DGCR2: variants seen among roughly 807,000 people sequenced by gnomAD.
DGCR2 encodes integral membrane protein DGCR2/IDD.
Under a neutral mutation model 51.6 loss-of-function variants are expected in DGCR2, and 24 were observed. The ratio of observed to expected loss-of-function variants is 0.47; its 90% CI spans 0.34 to 0.65. The LOEUF (loss-of-function observed/expected upper bound fraction) is 0.65. Ranked by LOEUF, DGCR2 falls within the 30% of genes least tolerant of loss-of-function variation. DGCR2 has a pLI of 0.01. For missense variants in DGCR2, 765 were observed against 772.1 expected (o/e 0.99, Z 0.11); for synonymous variants, 340 against 315.4 (o/e 1.08, Z -0.82).
Position 19,036,588 on chromosome 22 carries a change from A to C in DGCR2, c.*2277T>G, listed in dbSNP as rs1438117174. On this transcript the variant is annotated 3_prime_UTR_variant, in exon 10 of 10. Coordinates refer to ENST00000263196, the MANE Select transcript of DGCR2 (RefSeq NM_005137.3). ...CTGCAGCAGGCCTTGCAAAGGGGGCATTCTGGATGGTGGTGCAAGAACAGA... is the reference window on the plus strand; with the variant it reads ...CTGCAGCAGGCCTTGCAAAGGGGGCCTTCTGGATGGTGGTGCAAGAACAGA... The C allele has an allele frequency of 6.6e-6, 1 of 152,272 alleles. No individual in the cohort carries two copies. Among genetic ancestry groups the C allele is most frequent in the Non-Finnish European group, 1.5e-5 (1 of 68,070 alleles). The allele number at this position is 152,272 out of a possible 1,614,324, so 9.4% of individuals were successfully genotyped here.
At chr22:19,095,559 G>C (rs2083129786) in intron 1 of DGCR2, among the ~76,000 whole-genome samples, 1 of 151,626 alleles carries the variant, frequency 6.6e-6, no homozygotes, top group South Asian at 2.1e-4. Flanking sequence ...TACTCGGGAG[G>C]CTGAGGCAGA....
intron 1 of DGCR2, 113 bp downstream of exon 1, chr22:19,122,015 C>T (rs1242872655): frequency 4.3e-6 from 3 of 695,636 alleles, no homozygotes; most frequent in African/African-American, 3.8e-5. Context: ...CCCGCCCGCC[C>T]CTGCCCCAGG....
intron 5 of DGCR2, among the ~76,000 whole-genome samples, chr22:19,062,774 T>TTTTTTCTCTCTCTC (rs1569052709): frequency 9.7e-5 from 11 of 113,866 alleles, no homozygotes; most frequent in Non-Finnish European, 1.5e-4. Flanking sequence ...CACACATGCA[T>TTTTTTCTCTCTCTC]GCTCACTCTC....
chr22:19,080,659 G>A (rs967660119), intron 2 of DGCR2, among the ~76,000 whole-genome samples: 13 of 152,114 alleles, frequency 8.5e-5, no homozygotes, highest in African/African-American at 3.1e-4. Flanking sequence ...AACAGGGCGA[G>A]ACCTCGTCTC....
intron 1 of DGCR2, among the ~76,000 whole-genome samples, chr22:19,093,838 CA>C (rs368694788): frequency 2.1e-5 from 3 of 144,852 alleles, no homozygotes; most frequent in South Asian, 2.2e-4. Context: ...CTCTACATTA[CA>C]AAAAAAAAAC....
At chr22:19,040,762 C>A (rs1329416222) in intron 9 of DGCR2, among the ~76,000 whole-genome samples, 1 of 152,212 alleles carries the variant, frequency 6.6e-6, no homozygotes, top group African/African-American at 2.4e-5. Context: ...TAGAGCTGGG[C>A]TGAGGGCCCT....
chr22:19,103,298 A>AG (rs2083224234), intron 1 of DGCR2, among the ~76,000 whole-genome samples: 1 of 151,224 alleles, frequency 6.6e-6, no homozygotes. Context: ...AAAAAAAAAA[A>AG]GTTCTGGAAA....
At chr22:19,098,646 G>A (rs931209223) in intron 1 of DGCR2, among the ~76,000 whole-genome samples, 9 of 152,080 alleles carry the variant, frequency 5.9e-5, no homozygotes, top group South Asian at 2.1e-4. Context: ...GGAATGCAGC[G>A]GCATGACCAC....
intron 2 of DGCR2, among the ~76,000 whole-genome samples, chr22:19,086,451 C>G (rs938738233): frequency 1.3e-5 from 2 of 152,098 alleles, no homozygotes; most frequent in Non-Finnish European, 2.9e-5. Flanking sequence ...TGCACTCCAG[C>G]CTGGGCAACA....
chr22:19,099,306 G>A (rs1242919783), intron 1 of DGCR2, among the ~76,000 whole-genome samples: 3 of 152,154 alleles, frequency 2.0e-5, no homozygotes, highest in East Asian at 1.9e-4. Context: ...CTGACTACGC[G>A]TGGTGACTCA....
chr22:19,111,832 C>CT (rs1330059746), intron 1 of DGCR2, among the ~76,000 whole-genome samples: 5 of 148,570 alleles, frequency 3.4e-5, no homozygotes, highest in Admixed American at 2.7e-4. Flanking sequence ...CATCTAAACT[C>CT]TTTTTTGTTT....
intron 2 of DGCR2, among the ~76,000 whole-genome samples, chr22:19,081,950 T>C (rs60246473): frequency 0.016 from 2,493 of 152,316 alleles, 87 homozygotes; most frequent in East Asian, 0.062. Context: ...GAGTTCTTTA[T>C]ATACACTGAA....
chr22:19,113,626 G>A (rs572084981), intron 1 of DGCR2, among the ~76,000 whole-genome samples: 2 of 152,250 alleles, frequency 1.3e-5, no homozygotes, highest in African/African-American at 4.8e-5. Context: ...TGGTAAAAAG[G>A]AATTTCAAGT....
At chr22:19,048,339 A>C in intron 7 of DGCR2, 101 bp downstream of exon 7, 1 of 1,294,950 alleles carries the variant, frequency 7.7e-7, no homozygotes, top group Non-Finnish European at 1.1e-6. Context: ...GCGATGCTCC[A>C]TAAACTCTCC....
intron 7 of DGCR2, 79 bp downstream of exon 7, chr22:19,048,361 C>CCAG (rs2082512684): frequency 2.0e-6 from 3 of 1,473,094 alleles, no homozygotes; most frequent in Non-Finnish European, 2.8e-6. Context: ...GAGTCCTCAC[C>CCAG]ACTGAGGAAG....
chr22:19,098,947 A>G (rs1437046081), intron 1 of DGCR2, among the ~76,000 whole-genome samples: 1 of 152,102 alleles, frequency 6.6e-6, no homozygotes, highest in Admixed American at 6.5e-5. Flanking sequence ...CACCCCACAC[A>G]TGGAGGCATG....
chr22:19,039,259 G>A, intron 9 of DGCR2, 138 bp from the exon 10 acceptor site: 1 of 1,046,498 alleles, frequency 9.6e-7, no homozygotes, highest in Non-Finnish European at 1.4e-6. Flanking sequence ...GACCTGGGTG[G>A]CTCCCCCGGG....
At chr22:19,077,106 GAT>G (rs1250387641) in intron 2 of DGCR2, among the ~76,000 whole-genome samples, 1 of 152,160 alleles carries the variant, frequency 6.6e-6, no homozygotes, top group Non-Finnish European at 1.5e-5. Context: ...ACCCTTACCA[GAT>G]ATGAGTTTCA....
chr22:19,057,141 G>A lies in DGCR2; in HGVS notation c.647C>T (p.Pro216Leu). 2 of 1,607,312 alleles carry A rather than the reference G, an allele frequency of 1.2e-6. No individual in the cohort carries two copies. Among genetic ancestry groups the A allele is most frequent in the Non-Finnish European group, 1.7e-6 (2 of 1,176,956 alleles). The change falls in exon 6 of 10, where the codon CCC becomes CTC. Residue 216 changes from proline (P) to leucine (L), a missense_variant. Physicochemically the swap from Pro to Leu is moderately conservative, Grantham distance 98. Transcript: ENST00000263196. This position sits in a 1 kb window ranked among gnomAD's most constrained non-coding sequence, Gnocchi z 5.1. The part of the protein sequence containing the change: ...AFKGSSEVFL[P>L]PDPIFASAMS... Reference sequence around the variant, plus strand: ...GGCCGAGGCAAAGATGGGGTCTGGGGGCAGGAACACCTCTGAAGAGCCTGT... The same window carrying A: ...GGCCGAGGCAAAGATGGGGTCTGGGAGCAGGAACACCTCTGAAGAGCCTGT...
Sources: allele counts gnomAD v4.1 joint callset (sites outside exome capture counted in the v4.1 genomes callset), GRCh38; gene constraint gnomAD v4.1.1; non-coding constraint Gnocchi (gnomAD v3.1); transcripts MANE v1.5; gene names NCBI Gene and HGNC (gene_info 2026-07-23, HGNC 2026-07-21).